MYEF2: variants seen among roughly 807,000 people sequenced by gnomAD.
The protein encoded by MYEF2 is myelin expression factor 2, also known as myelin gene expression factor 2.
MYEF2 carries 37 observed loss-of-function variants against 75.2 expected under a neutral mutation model. The observed-to-expected ratio is 0.49, with a 90% CI of 0.38 to 0.65. The LOEUF is 0.65. Among genes scored for constraint, MYEF2 ranks in the 30% least tolerant of loss-of-function variants. MYEF2 has a pLI of 0.00. For synonymous variants in MYEF2, 195 were observed against 241.6 expected, an observed-to-expected ratio of 0.81 and a Z score of 1.79; for missense variants, 634 against 771.4, an observed-to-expected ratio of 0.82 and a Z score of 2.11.
chr15:48,142,568 CTA>C lies in MYEF2; in HGVS notation c.*338_*339del, dbSNP rs2039129004. 6.4e-6 allele frequency: 3 copies of C among 469,710 alleles called. No individual in the cohort carries two copies. The highest frequency in any genetic ancestry group is 3.7e-6 in the Non-Finnish European group (1 of 273,288). 29.1% of individuals were successfully genotyped at this position (469,710 alleles called of 1,614,324 possible). A position where few individuals can be genotyped will look rare whatever the true frequency, so the allele number is the denominator to read the frequency against. On this transcript the variant is annotated 3_prime_UTR_variant, in exon 17 of 17. Transcript: ENST00000324324. ...AAACAGAAGTTTGGGGGGAAAAAAT[CTA>C]TGTTTTACCATACAATAAGTTGACA... is the stretch of plus-strand genomic sequence containing the variant.
At chr15:48,171,632 G>T (rs893643769) in intron 1 of MYEF2, among the ~76,000 whole-genome samples, 2 of 151,840 alleles carry the variant, frequency 1.3e-5, no homozygotes, top group African/African-American at 4.8e-5. Flanking sequence ...ACTATAAAAG[G>T]CATAACAGTT....
chr15:48,164,888 C>T (rs1020762371), intron 5 of MYEF2, among the ~76,000 whole-genome samples: 7 of 152,138 alleles, frequency 4.6e-5, no homozygotes, highest in East Asian at 3.8e-4. Flanking sequence ...ATAGTATAAA[C>T]GTAACTTTTA....
chr15:48,158,222 T>C lies in MYEF2; in HGVS notation c.874A>G (p.Met292Val), dbSNP rs1567256882. 14 of 1,612,844 alleles carry C rather than the reference T, an allele frequency of 8.7e-6. No homozygotes were observed. The highest frequency in any genetic ancestry group is 1.7e-4 in the Middle Eastern group (1 of 6,048). ...TCAAATAAAAACTGCCCATTGAACA[T>C]AGCTGTTGGTTCAGTCAAGGAAAGT... Reference protein sequence around the residue: ...QAIEAVQAISMFNGQFLFDRP... With the variant: ...QAIEAVQAISVFNGQFLFDRP... Residue 292 changes from methionine (M) to valine (V), a missense_variant and splice_region_variant, in exon 8 of 17, where the codon ATG (methionine) becomes GTG (valine). By Grantham distance (21) the Met-to-Val change is conservative (BLOSUM62 1). Coordinates refer to ENST00000324324, the MANE Select transcript of MYEF2 (RefSeq NM_016132.5).
chr15:48,149,533 A>G lies in MYEF2; in HGVS notation c.1379-162T>C. 2.1e-6 allele frequency: 1 copy of G among 466,496 alleles called. No individual in the cohort carries two copies. The highest frequency in any genetic ancestry group is 3.6e-6 in the Non-Finnish European group (1 of 276,442). 28.9% of individuals were successfully genotyped at this position (466,496 alleles called of 1,614,324 possible). A position where few individuals can be genotyped will look rare whatever the true frequency, so the allele number is the denominator to read the frequency against. ...ATATAATTAAATAATATAAAAACAT[A>G]AAATTATTTTCATACAGATAACAAC... On this transcript the variant is annotated intron_variant, in intron 14 of 16. Transcript: ENST00000324324. This position sits in a 1 kb window ranked among gnomAD's most constrained non-coding sequence, Gnocchi z 4.0.
intron 1 of MYEF2, among the ~76,000 whole-genome samples, chr15:48,171,696 T>C (rs1049799287): frequency 1.3e-5 from 2 of 152,098 alleles, no homozygotes; most frequent in East Asian, 3.9e-4. Flanking sequence ...AATTATATAA[T>C]TTCTGAACTA....
intron 1 of MYEF2, among the ~76,000 whole-genome samples, chr15:48,174,012 A>G (rs559653658): frequency 6.6e-6 from 1 of 152,260 alleles, no homozygotes; most frequent in East Asian, 1.9e-4. Context: ...CGTATGAACC[A>G]TAAAAGATCT....
chr15:48,170,779 C>G (rs1292978917), intron 1 of MYEF2, among the ~76,000 whole-genome samples: 1 of 152,168 alleles, frequency 6.6e-6, no homozygotes, highest in African/African-American at 2.4e-5. Flanking sequence ...TCTATGAGAA[C>G]AAAAACTATC....
Position 48,142,874 on chromosome 15 carries a change from A to C in MYEF2, c.*34T>G. On this transcript the variant is annotated 3_prime_UTR_variant, in exon 17 of 17. Transcript: ENST00000324324. ...GACTTTTACTAGGAGATTCAGCAAA[A>C]CAGATGTAGGAATGTTCCAACCATG... 1 of 1,552,150 alleles carries C rather than the reference A, an allele frequency of 6.4e-7. No individual in the cohort carries two copies. The highest frequency in any genetic ancestry group is 8.7e-7 in the Non-Finnish European group (1 of 1,153,400).
rs955321793 is a variant in MYEF2, at chr15:48,168,708, T to C, written c.293A>G (p.Asn98Ser). 1 of 1,614,008 alleles carries C rather than the reference T, an allele frequency of 6.2e-7. No individual in the cohort carries two copies. The highest frequency in any genetic ancestry group is 1.7e-5 in the Admixed American group (1 of 60,022). The change falls in exon 2 of 17, where the codon AAT becomes AGT. Residue 98 changes from asparagine (N) to serine (S), a missense_variant. Physicochemically the swap from Asn to Ser is conservative, Grantham distance 46 (BLOSUM62 1). Transcript: ENST00000324324. ...GTTGCTAATGAAAACTCTGTTACGATTTGGACCCTTCTTTTCTCCAGCGCC... is the reference window on the plus strand; with the variant it reads ...GTTGCTAATGAAAACTCTGTTACGACTTGGACCCTTCTTTTCTCCAGCGCC... ...NSGAGEKKGP[N>S]RNRVFISNIP...
chr15:48,146,465 A>G (rs1457302824), intron 16 of MYEF2, among the ~76,000 whole-genome samples: 2 of 151,954 alleles, frequency 1.3e-5, no homozygotes, highest in African/African-American at 4.8e-5. Context: ...TCTGAAAACA[A>G]TCTTTTCTGA....
At chr15:48,166,239 G>A (rs941488324) in intron 3 of MYEF2, 111 bp from the exon 4 acceptor site, 9 of 832,694 alleles carry the variant, frequency 1.1e-5, no homozygotes, top group Middle Eastern at 3.9e-4. Context: ...TTAATAATAT[G>A]GTAGAATCAC....
At chr15:48,147,040 C>A (rs2039310620) in intron 16 of MYEF2, among the ~76,000 whole-genome samples, 2 of 151,652 alleles carry the variant, frequency 1.3e-5, no homozygotes, top group Non-Finnish European at 2.9e-5. Context: ...AAACAAAAAT[C>A]ATTAATCTTA....
chr15:48,159,447 T>C (rs2039846100), intron 6 of MYEF2, 166 bp downstream of exon 6: 1 of 611,946 alleles, frequency 1.6e-6, no homozygotes, highest in Non-Finnish European at 2.8e-6. Flanking sequence ...TGTGTGTGTG[T>C]GTATATATAT....
At chr15:48,154,388 TA>T (rs911260979) in intron 9 of MYEF2, among the ~76,000 whole-genome samples, 6 of 152,154 alleles carry the variant, frequency 3.9e-5, no homozygotes, top group Non-Finnish European at 7.4e-5. Flanking sequence ...AATATTTATT[TA>T]TATTTATATG....
chr15:48,173,995 T>A (rs2040425877), intron 1 of MYEF2, among the ~76,000 whole-genome samples: 1 of 152,102 alleles, frequency 6.6e-6, no homozygotes, highest in South Asian at 2.1e-4. Flanking sequence ...GAAAAATTCC[T>A]GAAATCCGTA....
intron 16 of MYEF2, among the ~76,000 whole-genome samples, chr15:48,145,697 A>G (rs1472361167): frequency 6.6e-6 from 1 of 151,958 alleles, no homozygotes; most frequent in African/African-American, 2.4e-5. Context: ...AGGATGTTCA[A>G]TAAAATCTAC....
Position 48,178,057 on chromosome 15 carries a change from C to T in MYEF2, c.161+20G>A, listed in dbSNP as rs767369078. ...CCCCGCCCCCCACCTCGCCCCGGTT[C>T]CCGGAGGAAAAGACAATACATTTTA... On this transcript the variant is annotated intron_variant, in intron 1 of 16. Coordinates refer to ENST00000324324, the MANE Select transcript of MYEF2 (RefSeq NM_016132.5). 5 of 1,586,974 alleles carry T rather than the reference C, an allele frequency of 3.2e-6. No homozygotes were observed. The African/African-American group carries it at 5.5e-5, about 17-fold the overall frequency.
At chr15:48,160,823 C>G (rs1043278891) in intron 5 of MYEF2, among the ~76,000 whole-genome samples, 1 of 151,818 alleles carries the variant, frequency 6.6e-6, no homozygotes, top group African/African-American at 2.4e-5. Context: ...AATAATAAAA[C>G]CATTCTGGCT....
At position 48,158,212 on chromosome 15, in the gene MYEF2, C is replaced by T; in HGVS notation, c.884G>A (p.Gly295Glu). Residue 295 changes from glycine (G) to glutamate (E), a missense_variant, in exon 8 of 17, where the codon GGG (glycine) becomes GAG (glutamate). Transcript: ENST00000324324. ...CATAGGTCTATCAAATAAAAACTGC[C>T]CATTGAACATAGCTGTTGGTTCAGT... Reference protein sequence around the residue: ...EAVQAISMFNGQFLFDRPMHV... With the variant: ...EAVQAISMFNEQFLFDRPMHV... 1 of 1,612,818 alleles carries T rather than the reference C, an allele frequency of 6.2e-7. No homozygotes were observed. The highest frequency in any genetic ancestry group is 8.5e-7 in the Non-Finnish European group (1 of 1,179,294).
Sources: gnomAD v4.1 joint callset for allele counts (sites outside exome capture counted in the v4.1 genomes callset) on GRCh38, gnomAD v4.1.1 for gene constraint, Gnocchi (gnomAD v3.1) non-coding constraint, MANE v1.5 for transcripts, NCBI Gene and HGNC (gene_info 2026-07-23, HGNC 2026-07-21) for gene names.